The following DDX24 variants were observed in gnomAD, a reference collection of about 807,000 sequenced individuals.
DDX24 encodes the protein DEAD-box helicase 24.
DDX24 carries 24 observed loss-of-function variants against 68.9 expected under a neutral mutation model. The ratio of observed to expected loss-of-function variants is 0.35; its 90% CI spans 0.25 to 0.49. The LOEUF is 0.49. DDX24 is among the 20% of genes least tolerant of loss of function. The pLI is 0.99. For missense variants in DDX24, 989 were observed against 1,039.0 expected, an observed-to-expected ratio of 0.95 and a Z score of 0.66; for synonymous variants, 395 against 385.2, an observed-to-expected ratio of 1.03 and a Z score of -0.30.
intron 7 of DDX24, among the ~76,000 whole-genome samples, 158 bp downstream of exon 7, chr14:94,054,838 T>C (rs1408868525): frequency 6.6e-6 from 1 of 152,220 alleles, no homozygotes; most frequent in Non-Finnish European, 1.5e-5. Context: ...TTCCCAGGTA[T>C]GTTGCTCTCA....
intron 2 of DDX24, among the ~76,000 whole-genome samples, chr14:94,071,117 C>G (rs1050196967): frequency 1.3e-5 from 2 of 151,926 alleles, no homozygotes; most frequent in South Asian, 4.1e-4. Context: ...ATACATCTGA[C>G]AAAGGACTAA....
intron 3 of DDX24, 131 bp from the exon 4 acceptor site, chr14:94,061,197 G>C (rs1272777910): frequency 4.7e-6 from 5 of 1,071,722 alleles, no homozygotes; most frequent in Non-Finnish European, 6.9e-6. Context: ...ATTGCTAAAA[G>C]AGCAGGCCTG....
intron 2 of DDX24, 150 bp downstream of exon 2, chr14:94,078,875 A>G (rs1309926695): frequency 1.2e-6 from 1 of 828,740 alleles, no homozygotes; most frequent in Non-Finnish European, 1.9e-6. Context: ...GCATATTTCA[A>G]ACCAGAGGGG....
chr14:94,061,117 T>G (rs760084300), intron 3 of DDX24, 51 bp from the exon 4 acceptor site: 2 of 1,601,886 alleles, frequency 1.2e-6, no homozygotes, highest in South Asian at 2.2e-5. Flanking sequence ...GTGATCATTT[T>G]CTTACATGGC....
chr14:94,067,200 G>A (rs757767990), intron 2 of DDX24, among the ~76,000 whole-genome samples: 4 of 152,064 alleles, frequency 2.6e-5, no homozygotes, highest in Non-Finnish European at 5.9e-5. Context: ...GCTGGGGAAA[G>A]TCTCAGCAAT....
intron 2 of DDX24, among the ~76,000 whole-genome samples, chr14:94,073,016 ATAAG>A (rs1456764516): frequency 6.6e-6 from 1 of 152,146 alleles, no homozygotes; most frequent in African/African-American, 2.4e-5. Flanking sequence ...CAAAAAATAA[ATAAG>A]TAAACCCACC....
chr14:94,060,873 A>G, intron 4 of DDX24, 40 bp downstream of exon 4: 1 of 1,608,910 alleles, frequency 6.2e-7, no homozygotes, highest in African/African-American at 1.3e-5. Flanking sequence ...CTCATTTCAG[A>G]AAAGGCAGTG....
In DDX24 at chr14:94,079,274, T is replaced by G. The variant is rs150062400; in HGVS notation, c.469A>C (p.Asn157His). 1 of 1,613,952 alleles carries G rather than the reference T, an allele frequency of 6.2e-7. No homozygotes were observed. The highest frequency in any genetic ancestry group is 1.3e-5 in the African/African-American group (1 of 74,886). ...GGCTCCAACCCTTTTTTCCCTTTAT[T>G]TTTCTTCTTTTTTGGAGCAGTTTGG... ...LVQTAPKKKK[N>H]KGKKGLEPSQ... Residue 157 changes from asparagine to histidine, a missense_variant, in exon 2 of 9, where the codon AAT becomes CAT. Coordinates refer to ENST00000621632, the MANE Select transcript of DDX24 (RefSeq NM_020414.4).
Position 94,079,066 on chromosome 14 carries a change from G to A in DDX24, c.677C>T (p.Ala226Val). 1 of 1,614,154 alleles carries A rather than the reference G, an allele frequency of 6.2e-7. No individual in the cohort carries two copies. The highest frequency in any genetic ancestry group is 8.5e-7 in the Non-Finnish European group (1 of 1,180,016). Reference protein sequence around the residue: ...TPIQALTLAPAIRDKLDILGA... With the variant: ...TPIQALTLAPVIRDKLDILGA... ...AAGGATGTCCAGTTTGTCACGGATGGCAGGTGCCAAGGTCAGGGCTTGGAT... is the reference window on the plus strand; with the variant it reads ...AAGGATGTCCAGTTTGTCACGGATGACAGGTGCCAAGGTCAGGGCTTGGAT... Residue 226 changes from alanine (A) to valine (V), a missense_variant, in exon 2 of 9, where the codon GCC (alanine) becomes GTC (valine). Ala to Val is a moderately conservative substitution (Grantham distance 64). Around this residue, in one of 3 missense-constraint regions of DDX24, gnomAD observed 295 missense variants for 263.0 expected, o/e 1.12. Transcript: ENST00000621632.
chr14:94,062,308 C>G lies in DDX24; in HGVS notation c.1032G>C (p.Leu344=), dbSNP rs753985890. 2 of 1,614,230 alleles carry G rather than the reference C, an allele frequency of 1.2e-6. No individual in the cohort carries two copies. The highest frequency in any genetic ancestry group is 1.7e-6 in the Non-Finnish European group (2 of 1,180,046). Reference sequence around the variant, plus strand: ...GTTTGGGAACAGGTTTCTCCCTGATCAGGGAAGAAGGCCCTTCACCAGCAT... The same window carrying G: ...GTTTGGGAACAGGTTTCTCCCTGATGAGGGAAGAAGGCCCTTCACCAGCAT... ...DDDAGEGPSS[L]IREKPVPKQN... is the part of the protein sequence containing the mutation. Residue 344 remains leucine, a synonymous_variant, in exon 3 of 9, where the codon CTG becomes CTC. Coordinates refer to ENST00000621632, the MANE Select transcript of DDX24 (RefSeq NM_020414.4).
intron 2 of DDX24, 83 bp from the exon 3 acceptor site, chr14:94,062,704 C>T: frequency 6.7e-7 from 1 of 1,499,722 alleles, no homozygotes; most frequent in Non-Finnish European, 8.9e-7. Context: ...CATTCTTTTG[C>T]ATAGAATAAG....
rs1349094384 is a variant in DDX24, at chr14:94,051,175, T to C, written c.*16A>G. On this transcript the variant is annotated 3_prime_UTR_variant, in exon 9 of 9. Coordinates refer to ENST00000621632, the MANE Select transcript of DDX24 (RefSeq NM_020414.4). ...AGAACAGAAACCAATGTGCAGTCAC[T>C]GACACACTTGACCAGTTAATTTGCA... The C allele has an allele frequency of 1.4e-6, 2 of 1,478,754 alleles. No individual in the cohort carries two copies. Among genetic ancestry groups the C allele is most frequent in the Non-Finnish European group, 1.8e-6 (2 of 1,122,198 alleles). The allele number at this position is 1,478,754 out of a possible 1,614,324, so 91.6% of individuals were successfully genotyped here. A position where few individuals can be genotyped will look rare whatever the true frequency, so the allele number is the denominator to read the frequency against.
intron 2 of DDX24, among the ~76,000 whole-genome samples, chr14:94,071,838 G>A (rs1425901897): frequency 5.9e-5 from 9 of 151,476 alleles, no homozygotes; most frequent in African/African-American, 2.2e-4. Context: ...CCAGCTACTC[G>A]GGAGGCTGAG....
intron 1 of DDX24, among the ~76,000 whole-genome samples, chr14:94,080,479 C>G (rs1886049497): frequency 6.6e-6 from 1 of 152,114 alleles, no homozygotes; most frequent in East Asian, 1.9e-4. Flanking sequence ...AAATCCAGAT[C>G]CACCACTTGT....
Position 94,054,809 on chromosome 14 carries a change from C to T in DDX24, c.2178+187G>A, listed in dbSNP as rs1479640243. Among the ~76,000 whole-genome samples, 3 of 152,194 alleles carry T rather than the reference C, an allele frequency of 2.0e-5. No individual in the cohort carries two copies. The East Asian group carries it at 5.8e-4, about 29-fold the overall frequency. On this transcript the variant is annotated intron_variant, in intron 7 of 8. Coordinates refer to ENST00000621632, the MANE Select transcript of DDX24 (RefSeq NM_020414.4). ...GGAGAAAATGCCTCCCACCTTCAGT[C>T]ACTCCCCTTTTCTCCCTTTTCCCAG...
chr14:94,071,050 G>C (rs1472328743), intron 2 of DDX24, among the ~76,000 whole-genome samples: 1 of 152,030 alleles, frequency 6.6e-6, no homozygotes, highest in Non-Finnish European at 1.5e-5. Flanking sequence ...ACAGCAAAAG[G>C]AACAGTCAGC....
intron 2 of DDX24, among the ~76,000 whole-genome samples, chr14:94,066,149 T>C (rs1183870755): frequency 1.3e-5 from 2 of 152,114 alleles, no homozygotes; most frequent in African/African-American, 2.4e-5. Context: ...ACTGGGGCTG[T>C]TGGGGAGGAC....
At chr14:94,065,362 T>C (rs1885680148) in intron 2 of DDX24, among the ~76,000 whole-genome samples, 1 of 103,642 alleles carries the variant, frequency 9.6e-6, no homozygotes, top group South Asian at 2.9e-4. Flanking sequence ...TATGGGTAGA[T>C]CTTAATAGTA....
At chr14:94,063,178 T>C (rs774556227) in intron 2 of DDX24, among the ~76,000 whole-genome samples, 4 of 152,192 alleles carry the variant, frequency 2.6e-5, no homozygotes, top group Non-Finnish European at 4.4e-5. Context: ...AGCCAATAAA[T>C]GCTTTCTCAA....
Sources: gnomAD v4.1 joint callset for allele counts (sites outside exome capture counted in the v4.1 genomes callset) on GRCh38, gnomAD v4.1.1 for gene constraint, gnomAD v4.1.1 regional missense constraint, MANE v1.5 for transcripts, NCBI Gene and HGNC (gene_info 2026-07-23, HGNC 2026-07-21) for gene names.